CNTNAP2: variants seen among roughly 807,000 people sequenced by gnomAD.
CNTNAP2 encodes contactin-associated protein-like 2.
CNTNAP2 carries 98 observed loss-of-function variants against 155.2 expected under a neutral mutation model. That is an observed-to-expected ratio of 0.63 (90% confidence interval 0.54 to 0.75). The LOEUF (loss-of-function observed/expected upper bound fraction) is 0.75. CNTNAP2 is among the 30% of genes least tolerant of loss of function. The pLI, the probability that CNTNAP2 is intolerant of heterozygous loss-of-function variation, is 0.00. For synonymous variants in CNTNAP2, 651 were observed against 631.2 expected (o/e 1.03, Z -0.47); for missense variants, 1,727 against 1,688.1 (o/e 1.02, Z -0.40).
intron 1 of CNTNAP2, among the ~76,000 whole-genome samples, chr7:146,667,596 A>G (rs1034790058): frequency 1.1e-4 from 16 of 151,922 alleles, no homozygotes; most frequent in Admixed American, 6.6e-4. Context: ...AATTCTTCTG[A>G]TACATGAGTA....
chr7:146,943,524 T>C (rs767429862), intron 3 of CNTNAP2, among the ~76,000 whole-genome samples: 2 of 151,992 alleles, frequency 1.3e-5, no homozygotes, highest in Non-Finnish European at 2.9e-5. Flanking sequence ...AAAAGAGAGA[T>C]AGAGAAAATA....
Position 146,535,461 on chromosome 7 carries a change from C to G in CNTNAP2, c.98-238810C>G, listed in dbSNP as rs1449849967. 6.6e-5 allele frequency among the ~76,000 whole-genome samples: 8 copies of G among 120,694 alleles called. 3 individuals carry two copies. Among genetic ancestry groups the G allele is most frequent in the African/African-American group, 2.9e-4 (8 of 27,636 alleles). 79.2% of individuals were successfully genotyped at this position (120,694 alleles called of 152,430 possible). On this transcript the variant is annotated intron_variant, in intron 1 of 23. Transcript: ENST00000361727. ...ACATGGTCATGGTAGGTTTTCACGA[C>G]AGGCATGACACTCAAATCTCTTAAA... is the stretch of plus-strand genomic sequence containing the variant.
intron 1 of CNTNAP2, among the ~76,000 whole-genome samples, chr7:146,332,987 A>C (rs1168577383): frequency 8.0e-6 from 1 of 125,058 alleles, no homozygotes; most frequent in Non-Finnish European, 1.6e-5. Flanking sequence ...TCTGTAACCC[A>C]GATTGGAATG....
At chr7:147,231,097 A>C (rs996410328) in intron 8 of CNTNAP2, among the ~76,000 whole-genome samples, 5 of 152,212 alleles carry the variant, frequency 3.3e-5, no homozygotes, top group African/African-American at 1.2e-4. Flanking sequence ...AACACTTTTA[A>C]AACATCAGCT....
intron 11 of CNTNAP2, among the ~76,000 whole-genome samples, chr7:147,547,341 C>G (rs890976839): frequency 6.6e-6 from 1 of 152,088 alleles, no homozygotes; most frequent in African/African-American, 2.4e-5. Flanking sequence ...TCCTGGAGAT[C>G]TAGGTCCTTA....
At chr7:146,209,634 T>A (rs1301375052) in intron 1 of CNTNAP2, among the ~76,000 whole-genome samples, 1 of 152,232 alleles carries the variant, frequency 6.6e-6, no homozygotes, top group Non-Finnish European at 1.5e-5. Context: ...AGACATTTTT[T>A]ACAAAAGTCA....
chr7:147,818,027 A>G (rs1190495950), intron 13 of CNTNAP2, among the ~76,000 whole-genome samples: 1 of 152,008 alleles, frequency 6.6e-6, no homozygotes, highest in Non-Finnish European at 1.5e-5. Context: ...TTCTGTATAC[A>G]ATTGGTAGTT....
intron 9 of CNTNAP2, among the ~76,000 whole-genome samples, chr7:147,384,228 CTA>C (rs1264705321): frequency 3.3e-5 from 5 of 152,106 alleles, no homozygotes; most frequent in Non-Finnish European, 7.3e-5. Flanking sequence ...CATGGCAGAA[CTA>C]TTGCTAAATA....
chr7:148,003,077 T>A (rs1317637246), intron 15 of CNTNAP2, among the ~76,000 whole-genome samples: 1 of 152,136 alleles, frequency 6.6e-6, no homozygotes, highest in Non-Finnish European at 1.5e-5. Flanking sequence ...GTGCAGGTTC[T>A]ATGATATGGA....
At chr7:146,519,644 A>T (rs1797589607) in intron 1 of CNTNAP2, among the ~76,000 whole-genome samples, 1 of 151,890 alleles carries the variant, frequency 6.6e-6, no homozygotes, top group African/African-American at 2.4e-5. Context: ...GACTTTCAGA[A>T]GTGAACTGAA....
rs555785512 is a variant in CNTNAP2, at chr7:146,834,369, G to T, written c.209-5342G>T. Reference sequence around the variant, plus strand: ...CTAGGAGCCCACATAGAATGGACACGTAGAATACAAACACTGTATATCTTT... The same window carrying T: ...CTAGGAGCCCACATAGAATGGACACTTAGAATACAAACACTGTATATCTTT... On this transcript the variant is annotated intron_variant, in intron 2 of 23. Coordinates refer to ENST00000361727, the MANE Select transcript of CNTNAP2 (RefSeq NM_014141.6). 2.0e-3 allele frequency among the ~76,000 whole-genome samples: 299 copies of T among 152,240 alleles called. 1 individual carries two copies. The highest frequency in any genetic ancestry group is 6.3e-3 in the African/African-American group (260 of 41,552).
intron 15 of CNTNAP2, among the ~76,000 whole-genome samples, chr7:148,069,153 C>CT (rs1226431192): frequency 6.6e-6 from 1 of 152,184 alleles, no homozygotes; most frequent in Non-Finnish European, 1.5e-5. Flanking sequence ...TTTGTCCAGT[C>CT]TTTTAGTTGT....
chr7:147,929,275 A>G (rs888084756), intron 14 of CNTNAP2, among the ~76,000 whole-genome samples: 4 of 152,112 alleles, frequency 2.6e-5, no homozygotes, highest in Non-Finnish European at 5.9e-5. Context: ...GGGATAGAAG[A>G]GATATTATTC....
intron 9 of CNTNAP2, among the ~76,000 whole-genome samples, chr7:147,393,921 T>A (rs1796765859): frequency 6.6e-6 from 1 of 152,078 alleles, no homozygotes; most frequent in Admixed American, 6.6e-5. Flanking sequence ...TTGTAATCCA[T>A]TAATGAAGAG....
intron 15 of CNTNAP2, among the ~76,000 whole-genome samples, chr7:148,086,449 A>G (rs7804666): frequency 0.055 from 8,344 of 152,282 alleles, 462 homozygotes; most frequent in East Asian, 0.29. Flanking sequence ...TAAGCATTTC[A>G]TTGAAATAAA....
chr7:147,871,136 T>C (rs770790676), intron 13 of CNTNAP2, among the ~76,000 whole-genome samples: 1 of 152,216 alleles, frequency 6.6e-6, no homozygotes, highest in Non-Finnish European at 1.5e-5. Flanking sequence ...TTTTGGAAAG[T>C]ACATTTCACT....
At chr7:146,557,961 T>G (rs1798221232) in intron 1 of CNTNAP2, among the ~76,000 whole-genome samples, 1 of 152,186 alleles carries the variant, frequency 6.6e-6, no homozygotes, top group Admixed American at 6.5e-5. Context: ...AAACACTTAT[T>G]AGCAATGAAA....
chr7:148,152,594 A>C (rs1269150022), intron 17 of CNTNAP2, among the ~76,000 whole-genome samples: 1 of 152,224 alleles, frequency 6.6e-6, no homozygotes, highest in Non-Finnish European at 1.5e-5. Context: ...AACTACACCT[A>C]CATTTTAACA....
At chr7:147,781,440 A>T (rs1248158039) in intron 13 of CNTNAP2, among the ~76,000 whole-genome samples, 2 of 152,180 alleles carry the variant, frequency 1.3e-5, no homozygotes, top group Admixed American at 1.3e-4. Context: ...GGCAGTGGAC[A>T]TGGCTAGAGC....
Sources: allele counts gnomAD v4.1 joint callset (sites outside exome capture counted in the v4.1 genomes callset), GRCh38; gene constraint gnomAD v4.1.1; transcripts MANE v1.5; gene names NCBI Gene and HGNC (gene_info 2026-07-23, HGNC 2026-07-21).